MORC3: variants seen among roughly 807,000 people sequenced by gnomAD.
MORC3 encodes the protein MORC family CW-type zinc finger protein 3.
MORC3 carries 31 observed loss-of-function variants against 109.1 expected under a neutral mutation model. The observed-to-expected ratio is 0.28, with a 90% CI of 0.21 to 0.38. MORC3 has a LOEUF of 0.38. Among genes scored for constraint, MORC3 ranks in the 10% least tolerant of loss-of-function variants. The pLI, the probability that MORC3 is intolerant of heterozygous loss-of-function variation, is 1.00. For missense variants in MORC3, 867 were observed against 1,135.8 expected (o/e 0.76, Z 3.40); for synonymous variants, 395 against 380.7 (o/e 1.04, Z -0.44).
intron 1 of MORC3, among the ~76,000 whole-genome samples, chr21:36,330,201 C>G (rs1031531097): frequency 1.3e-5 from 2 of 151,392 alleles, no homozygotes; most frequent in South Asian, 4.2e-4. Context: ...TTTTTTCTTT[C>G]CAGATCCAGG....
Position 36,375,219 on chromosome 21 carries a change from G to C in MORC3, c.2743G>C (p.Val915Leu). 6.2e-7 allele frequency: 1 copy of C among 1,613,960 alleles called. No homozygotes were observed. Among genetic ancestry groups the C allele is most frequent in the Non-Finnish European group, 8.5e-7 (1 of 1,179,846 alleles). The change falls in exon 17 of 17, where the codon GTG becomes CTG. Residue 915 changes from valine (V) to leucine (L), a missense_variant. This residue lies in a region of MORC3 where 34 missense variants were observed against 35.2 expected (regional missense o/e 0.97). Coordinates refer to ENST00000400485, the MANE Select transcript of MORC3 (RefSeq NM_015358.3). ...MIVPDLDLQQVNYDVDVVDEI... is the reference protein window; with the variant it reads ...MIVPDLDLQQLNYDVDVVDEI... ...TGTGCCTGATCTTGATCTTCAGCAA[G>C]TGAATTACGATGTTGATGTAGTTGA...
At chr21:36,367,268 G>A (rs187018396) in intron 14 of MORC3, among the ~76,000 whole-genome samples, 2 of 152,182 alleles carry the variant, frequency 1.3e-5, no homozygotes, top group Non-Finnish European at 2.9e-5. Flanking sequence ...TCCTCACTGG[G>A]CTCCAAGAGA....
intron 14 of MORC3, among the ~76,000 whole-genome samples, chr21:36,365,824 C>T (rs181907207): frequency 6.6e-6 from 1 of 152,194 alleles, no homozygotes; most frequent in East Asian, 1.9e-4. Flanking sequence ...TCAGGTGATC[C>T]GCCCGCCTCG....
At chr21:36,359,668 C>T (rs552428890) in intron 10 of MORC3, among the ~76,000 whole-genome samples, 310 of 149,836 alleles carry the variant, frequency 2.1e-3, no homozygotes, top group African/African-American at 6.9e-3. Flanking sequence ...ATCCTCCCAC[C>T]TCAGCCTCCC....
At chr21:36,346,997 C>A (rs1232590473) in intron 8 of MORC3, among the ~76,000 whole-genome samples, 3 of 145,652 alleles carry the variant, frequency 2.1e-5, no homozygotes, top group Non-Finnish European at 4.5e-5. Flanking sequence ...CAGAGTGAGA[C>A]CCTGTCTCTT....
chr21:36,331,612 A>AAAC (rs2085316212), intron 1 of MORC3, among the ~76,000 whole-genome samples: 1 of 150,972 alleles, frequency 6.6e-6, no homozygotes, highest in African/African-American at 2.4e-5. Flanking sequence ...AAAAAAACAA[A>AAAC]AAACAAACAA....
At chr21:36,334,379 T>C (rs2085352163) in intron 2 of MORC3, among the ~76,000 whole-genome samples, 2 of 152,252 alleles carry the variant, frequency 1.3e-5, no homozygotes, top group South Asian at 4.1e-4. Context: ...TCATAGTGTT[T>C]AGGATTTACT....
chr21:36,356,029 A>G (rs1424924884), intron 9 of MORC3, among the ~76,000 whole-genome samples: 3 of 152,168 alleles, frequency 2.0e-5, no homozygotes, highest in Admixed American at 2.0e-4. Context: ...AGATGCTTAC[A>G]TGGAGATAAG....
chr21:36,341,492 C>T lies in MORC3; in HGVS notation c.702C>T (p.Tyr234=). The change falls in exon 6 of 17, where the codon TAC becomes TAT. Residue 234 remains tyrosine, a synonymous_variant. Coordinates refer to ENST00000400485, the MANE Select transcript of MORC3 (RefSeq NM_015358.3). The part of the protein sequence containing the change: ...DLDEITGKKG[Y]KKQERMDQIA... ...ATGAGATAACAGGGAAGAAGGGGTA[C>T]AAGAAGCAGGAAAGGATGGACCAGA... 2 of 1,613,964 alleles carry T rather than the reference C, an allele frequency of 1.2e-6. No individual in the cohort carries two copies. Among genetic ancestry groups the T allele is most frequent in the Middle Eastern group, 1.6e-4 (1 of 6,062 alleles).
At chr21:36,366,361 A>G (rs1372950735) in intron 14 of MORC3, among the ~76,000 whole-genome samples, 1 of 152,196 alleles carries the variant, frequency 6.6e-6, no homozygotes, top group African/African-American at 2.4e-5. Context: ...TGCAAAGGAC[A>G]TTATTTCTTT....
intron 13 of MORC3, among the ~76,000 whole-genome samples, chr21:36,363,046 C>T (rs73383713): frequency 0.047 from 7,112 of 152,144 alleles, 531 homozygotes; most frequent in African/African-American, 0.16. Flanking sequence ...TGTCTTAATA[C>T]TTACTGTGTT....
chr21:36,347,023 AAAAC>A (rs1318604624), intron 8 of MORC3, among the ~76,000 whole-genome samples: 14 of 151,396 alleles, frequency 9.2e-5, no homozygotes, highest in Admixed American at 2.6e-4. Flanking sequence ...AAAAAAAAAA[AAAAC>A]AAAGAAATTG....
intron 1 of MORC3, among the ~76,000 whole-genome samples, chr21:36,329,227 A>G (rs2085284865): frequency 6.6e-6 from 1 of 152,024 alleles, no homozygotes; most frequent in Non-Finnish European, 1.5e-5. Flanking sequence ...CCCGGGAGGC[A>G]GAGGTTGCAG....
chr21:36,340,899 A>T (rs1243322740), intron 5 of MORC3, among the ~76,000 whole-genome samples: 1 of 151,874 alleles, frequency 6.6e-6, no homozygotes, highest in Non-Finnish European at 1.5e-5. Context: ...AGCCTCCCAA[A>T]GTGGTAGGAT....
intron 1 of MORC3, among the ~76,000 whole-genome samples, chr21:36,332,629 C>CT (rs774526110): frequency 7.9e-5 from 12 of 152,142 alleles, no homozygotes; most frequent in Non-Finnish European, 5.9e-5. Context: ...CTGTAGTTGA[C>CT]TGAGACTCAG....
chr21:36,334,640 C>T (rs2085354878), intron 2 of MORC3, among the ~76,000 whole-genome samples: 1 of 152,118 alleles, frequency 6.6e-6, no homozygotes, highest in Non-Finnish European at 1.5e-5. Flanking sequence ...GTGTAACATA[C>T]AGCATGGATT....
chr21:36,328,623 G>C (rs1013777999), intron 1 of MORC3, among the ~76,000 whole-genome samples: 4 of 152,068 alleles, frequency 2.6e-5, no homozygotes, highest in African/African-American at 9.7e-5. Context: ...TTACAGGCAT[G>C]AGCCACCGCG....
rs754341245 is a variant in MORC3 at position 36,338,089 on chromosome 21, A to G, written c.460+143A>G. The G allele has an allele frequency of 8.9e-6, 7 of 789,578 alleles. 1 individual carries two copies. The South Asian group carries it at 1.3e-4, about 14-fold the overall frequency. 48.9% of individuals were successfully genotyped at this position (789,578 alleles called of 1,614,324 possible). A position where few individuals can be genotyped will look rare whatever the true frequency, so the allele number is the denominator to read the frequency against. On this transcript the variant is annotated intron_variant, in intron 4 of 16. Coordinates refer to ENST00000400485, the MANE Select transcript of MORC3 (RefSeq NM_015358.3). The stretch of plus-strand genomic sequence containing the variant: ...TACCTCTGTCCTCTGCATTTACCCT[A>G]CACCTGAGGCTAAGGGTTTGTCCCT...
intron 1 of MORC3, chr21:36,333,359 T>G (rs1054417226): frequency 2.7e-6 from 1 of 369,712 alleles, no homozygotes; most frequent in Non-Finnish European, 4.8e-6. Context: ...AAGGTAGGTC[T>G]TGGCAAGGTA....
Sources: allele counts gnomAD v4.1 joint callset (sites outside exome capture counted in the v4.1 genomes callset), GRCh38; gene constraint gnomAD v4.1.1; regional missense constraint gnomAD v4.1.1; transcripts MANE v1.5; gene names NCBI Gene and HGNC (gene_info 2026-07-23, HGNC 2026-07-21).